Variants in IDH2 observed in about 807,000 individuals in gnomAD.
IDH2 encodes the protein isocitrate dehydrogenase [NADP], mitochondrial.
Under a neutral mutation model 50.5 loss-of-function variants are expected in IDH2, and 18 were observed. That is an observed-to-expected ratio of 0.36 (90% CI 0.25 to 0.53). IDH2 has a LOEUF of 0.53. Among genes scored for constraint, IDH2 ranks in the 20% least tolerant of loss-of-function variants. The pLI, the probability that IDH2 is intolerant of heterozygous loss-of-function variation, is 0.92. For synonymous variants in IDH2, 280 were observed against 239.8 expected, an observed-to-expected ratio of 1.17 and a Z score of -1.55; for missense variants, 518 against 610.7, an observed-to-expected ratio of 0.85 and a Z score of 1.60.
At chr15:90,093,628 T>G (rs1003558775) in intron 1 of IDH2, among the ~76,000 whole-genome samples, 15 of 152,148 alleles carry the variant, frequency 9.9e-5, no homozygotes, top group African/African-American at 2.4e-4. Context: ...ATTTATTTAT[T>G]TATTTTTTGA....
Position 90,085,355 on chromosome 15 carries a change from G to C in IDH2, c.1000C>G (p.Leu334Val). Residue 334 changes from leucine to valine, a missense_variant, in exon 8 of 11, where the codon CTG (leucine) becomes GTG (valine). Physicochemically the swap from Leu to Val is conservative, Grantham distance 32. Around this residue, in one of 5 missense-constraint regions of IDH2, gnomAD observed 135 missense variants for 167.6 expected, o/e 0.81. Coordinates refer to ENST00000330062, the MANE Select transcript of IDH2 (RefSeq NM_002168.4). The surrounding 1 kb of genome is among the most constrained non-coding windows in gnomAD (Gnocchi z 5.5). ...FGSLGLMTSV[L>V]VCPDGKTIEA... The stretch of plus-strand genomic sequence containing the variant: ...ATCGTCTTCCCATCAGGGCAGACCA[G>C]GACGGACGTCATCAGGCCAAGGGAG... 1 of 1,557,398 alleles carries C rather than the reference G, an allele frequency of 6.4e-7. No homozygotes were observed. The highest frequency in any genetic ancestry group is 8.7e-7 in the Non-Finnish European group (1 of 1,149,826).
At chr15:90,091,673 G>A (rs1901040666) in intron 1 of IDH2, 29 bp from the exon 2 acceptor site, 2 of 1,591,552 alleles carry the variant, frequency 1.3e-6, no homozygotes, top group East Asian at 4.5e-5. Context: ...AGCGCATCAT[G>A]CCCCTGGGGA....
intron 2 of IDH2, 84 bp from the exon 3 acceptor site, chr15:90,090,728 C>G (rs938690883): frequency 2.9e-6 from 4 of 1,402,824 alleles, no homozygotes; most frequent in Non-Finnish European, 4.0e-6. Context: ...GTCTGCAGGC[C>G]ATGGCAGGGG....
In IDH2 at chr15:90,102,384, C is replaced by G. The variant is rs755082688; in HGVS notation, c.7G>C (p.Gly3Arg). ...AGCGAGCGCACGACCCGCAGGTAGC[C>G]GGCCATCCCAAGCTGGAGAGCGAAC... Reference protein sequence around the residue: MAGYLRVVRSLCR... With the variant: MARYLRVVRSLCR... Residue 3 changes from glycine (G) to arginine (R), a missense_variant, in exon 1 of 11, where the codon GGC becomes CGC. By Grantham distance (125) the Gly-to-Arg change is moderately radical. This residue lies in a region of IDH2 where 85 missense variants were observed against 66.9 expected (regional missense o/e 1.27). Transcript: ENST00000330062. The G allele has an allele frequency of 2.9e-6, 4 of 1,357,022 alleles. No individual in the cohort carries two copies. The highest frequency in any genetic ancestry group is 3.3e-5 in the South Asian group (2 of 61,412). The allele number at this position is 1,357,022 out of a possible 1,614,324, so 84.1% of individuals were successfully genotyped here.
rs368590040 is a variant in IDH2 at position 90,092,863 on chromosome 15, G to A, written c.116-1219C>T. Reference sequence around the variant, plus strand: ...CAAAGTGCTGGGATTACAGGCGTGAGCCACCGTGCCAGCCTAATTTTAAAA... The same window carrying A: ...CAAAGTGCTGGGATTACAGGCGTGAACCACCGTGCCAGCCTAATTTTAAAA... On this transcript the variant is annotated intron_variant, in intron 1 of 10. Coordinates refer to ENST00000330062, the MANE Select transcript of IDH2 (RefSeq NM_002168.4). 4.6e-5 allele frequency among the ~76,000 whole-genome samples: 7 copies of A among 152,202 alleles called. No homozygotes were observed. The East Asian group carries it at 9.6e-4, about 21-fold the overall frequency.
chr15:90,093,252 C>A (rs1901091303), intron 1 of IDH2, among the ~76,000 whole-genome samples: 1 of 152,228 alleles, frequency 6.6e-6, no homozygotes, highest in Non-Finnish European at 1.5e-5. Context: ...CAGGCTCAGA[C>A]TCCGGGGCTC....
intron 1 of IDH2, among the ~76,000 whole-genome samples, chr15:90,093,339 T>A (rs1223060970): frequency 6.6e-6 from 1 of 152,226 alleles, no homozygotes; most frequent in Non-Finnish European, 1.5e-5. Context: ...TGTCCAAGAC[T>A]TAGTTCTTTA....
chr15:90,089,642 G>A (rs1221753964), intron 3 of IDH2, among the ~76,000 whole-genome samples: 1 of 152,206 alleles, frequency 6.6e-6, no homozygotes, highest in African/African-American at 2.4e-5. Flanking sequence ...GCAGGCCTGG[G>A]GAATTTGCAG....
rs754495282 is a variant in IDH2, at chr15:90,100,523, T to C, written c.115+1753A>G. The C allele has an allele frequency of 2.5e-5, 13 of 528,154 alleles. No homozygotes were observed. Among genetic ancestry groups the C allele is most frequent in the Non-Finnish European group, 3.2e-5 (13 of 412,078 alleles). The allele number at this position is 528,154 out of a possible 1,614,324, so 32.7% of individuals were successfully genotyped here. On this transcript the variant is annotated intron_variant, in intron 1 of 10. Coordinates refer to ENST00000330062, the MANE Select transcript of IDH2 (RefSeq NM_002168.4). The surrounding 1 kb of genome is among the most constrained non-coding windows in gnomAD (Gnocchi z 4.1). ...TGAAGGAAGGCTAGATAAGTAATTC[T>C]GCCACTGAGCCGTTCACAGAACTGG...
At chr15:90,089,692 G>A (rs1303669157) in intron 3 of IDH2, among the ~76,000 whole-genome samples, 1 of 152,156 alleles carries the variant, frequency 6.6e-6, no homozygotes, top group East Asian at 1.9e-4. Flanking sequence ...CTCCAACTGT[G>A]GAAAGTAGGA....
In IDH2 at chr15:90,090,740, C is replaced by G. The variant is rs556326865; in HGVS notation, c.208-96G>C. On this transcript the variant is annotated intron_variant, in intron 2 of 10. Transcript: ENST00000330062. ...GAAGTCTGCAGGCCATGGCAGGGGA[C>G]AGTCAGTCAAAACAGGGATGAGTGA... 27 of 1,325,888 alleles carry G rather than the reference C, an allele frequency of 2.0e-5. No homozygotes were observed. In the African/African-American group the frequency reaches 3.6e-4, roughly 18 times the overall value. 82.1% of individuals were successfully genotyped at this position (1,325,888 alleles called of 1,614,324 possible).
chr15:90,084,758 G>A lies in IDH2; in HGVS notation c.1271+58C>T. 1 of 1,394,800 alleles carries A rather than the reference G, an allele frequency of 7.2e-7. No homozygotes were observed. The highest frequency in any genetic ancestry group is 2.3e-5 in the East Asian group (1 of 43,952). The allele number at this position is 1,394,800 out of a possible 1,614,324, so 86.4% of individuals were successfully genotyped here. A position where few individuals can be genotyped will look rare whatever the true frequency, so the allele number is the denominator to read the frequency against. On this transcript the variant is annotated intron_variant, in intron 10 of 10. Transcript: ENST00000330062. This position sits in a 1 kb window ranked among gnomAD's most constrained non-coding sequence, Gnocchi z 5.0. Reference sequence around the variant, plus strand: ...ACTCATGAGGGGGACTTTAGGAGGGGTCCCCTGGCTTCCTCCCACATGGCC... The same window carrying A: ...ACTCATGAGGGGGACTTTAGGAGGGATCCCCTGGCTTCCTCCCACATGGCC...
At chr15:90,087,326 C>T in intron 6 of IDH2, 63 bp from the exon 7 acceptor site, 1 of 1,613,044 alleles carries the variant, frequency 6.2e-7, no homozygotes, top group Non-Finnish European at 8.5e-7. Flanking sequence ...GGATCCCTCC[C>T]TGAGCCTCGG....
chr15:90,099,927 G>A (rs1419968389), intron 1 of IDH2, among the ~76,000 whole-genome samples: 1 of 152,164 alleles, frequency 6.6e-6, no homozygotes, highest in African/African-American at 2.4e-5. Flanking sequence ...CAAAGTAGGA[G>A]TATACTACTT....
intron 1 of IDH2, among the ~76,000 whole-genome samples, chr15:90,095,290 T>A (rs934665458): frequency 5.3e-5 from 8 of 152,116 alleles, no homozygotes; most frequent in African/African-American, 1.9e-4. Flanking sequence ...CTGGCTCTAC[T>A]GCCTTTCCCA....
At chr15:90,091,696 G>C in intron 1 of IDH2, 52 bp from the exon 2 acceptor site, 4 of 1,481,994 alleles carry the variant, frequency 2.7e-6, no homozygotes, top group Non-Finnish European at 3.8e-6. Context: ...CTGGAGGGGG[G>C]CCCTCTCCTC....
intron 3 of IDH2, 132 bp from the exon 4 acceptor site, chr15:90,088,879 C>T (rs1251992462): frequency 2.5e-6 from 2 of 793,710 alleles, no homozygotes; most frequent in African/African-American, 1.7e-5. Context: ...GTCTAGAGTG[C>T]AAATGTGTGG....
intron 5 of IDH2, 119 bp downstream of exon 5, chr15:90,088,240 C>T: frequency 7.6e-7 from 1 of 1,322,004 alleles, no homozygotes; most frequent in Admixed American, 1.7e-5. Flanking sequence ...CCCTGGTGGC[C>T]ATTTCTGCCT....
In IDH2 at chr15:90,088,678, A is replaced by G; in HGVS notation, c.443T>C (p.Phe148Ser). 1 of 1,614,134 alleles carries G rather than the reference A, an allele frequency of 6.2e-7. No homozygotes were observed. Among genetic ancestry groups the G allele is most frequent in the South Asian group, 1.1e-5 (1 of 91,082 alleles). ...TIRNILGGTV[F>S]REPIICKNIP... The stretch of plus-strand genomic sequence containing the variant: ...GTTTTTGCAGATGATGGGCTCCCGG[A>G]AGACAGTCCCCCCCAGGATGTTCCG... Residue 148 changes from phenylalanine to serine, a missense_variant, in exon 4 of 11, where the codon TTC (phenylalanine) becomes TCC (serine). Around this residue, in one of 5 missense-constraint regions of IDH2, gnomAD observed 207 missense variants for 208.6 expected, o/e 0.99. Coordinates refer to ENST00000330062, the MANE Select transcript of IDH2 (RefSeq NM_002168.4).
Sources: allele counts gnomAD v4.1 joint callset (sites outside exome capture counted in the v4.1 genomes callset), GRCh38; gene constraint gnomAD v4.1.1; regional missense constraint gnomAD v4.1.1; non-coding constraint Gnocchi (gnomAD v3.1); transcripts MANE v1.5; gene names NCBI Gene and HGNC (gene_info 2026-07-23, HGNC 2026-07-21).